Variants in MRPL12 observed in about 807,000 individuals in gnomAD.
MRPL12 encodes the protein large ribosomal subunit protein bL12m.
In MRPL12, 13 loss-of-function variants were observed where a neutral mutation model predicts 21.1. The observed-to-expected ratio is 0.62, with a 90% CI of 0.40 to 0.98. MRPL12 has a LOEUF of 0.98. MRPL12 is among the 50% of genes least tolerant of loss of function. The probability of loss-of-function intolerance (pLI) is 0.00; values close to 1 mark genes in which losing one functional copy is unlikely to be tolerated. For synonymous variants in MRPL12, 126 were observed against 115.3 expected (o/e 1.09, Z -0.60); for missense variants, 251 against 268.6 (o/e 0.93, Z 0.46).
chr17:81,704,799 C>G, intron 3 of MRPL12, 83 bp downstream of exon 3: 1 of 1,186,390 alleles, frequency 8.4e-7, no homozygotes, highest in African/African-American at 1.5e-5. Context: ...ATCTCAGGTT[C>G]TGCAGCTACC....
rs181881366 is a variant in MRPL12 at position 81,704,313 on chromosome 17, C to T, written c.144C>T (p.Leu48=). The stretch of plus-strand genomic sequence containing the variant: ...GCGGCCATCAGAGGTGTGAGGCCCT[C>T]GCTGGTGCACCCCTGGATAACGCCC... The part of the protein sequence containing the change: ...RSSGHQRCEA[L]AGAPLDNAPK... Residue 48 remains leucine, a synonymous_variant, in exon 2 of 5, where the codon CTC becomes CTT. Transcript: ENST00000333676. The T allele has an allele frequency of 3.7e-5, 59 of 1,613,532 alleles. No individual in the cohort carries two copies. Among genetic ancestry groups the T allele is most frequent in the Non-Finnish European group, 4.6e-5 (54 of 1,179,910 alleles).
intron 3 of MRPL12, among the ~76,000 whole-genome samples, chr17:81,705,639 A>G (rs971254996): frequency 3.3e-5 from 5 of 152,204 alleles, no homozygotes; most frequent in African/African-American, 1.2e-4. Context: ...AGCGAGGTAC[A>G]GGCTGGCGCA....
chr17:81,704,066 C>G (rs150001330), intron 1 of MRPL12, among the ~76,000 whole-genome samples, 178 bp from the exon 2 acceptor site: 2 of 152,120 alleles, frequency 1.3e-5, no homozygotes, highest in African/African-American at 4.8e-5. Flanking sequence ...CAATACGGAC[C>G]CCTTGAGGTC....
chr17:81,704,193 C>G, intron 1 of MRPL12, 51 bp from the exon 2 acceptor site: 3 of 1,548,280 alleles, frequency 1.9e-6, no homozygotes, highest in Non-Finnish European at 2.6e-6. Context: ...TTTCTGCAGC[C>G]CCTTCCATTC....
chr17:81,707,494 G>A lies in MRPL12; in HGVS notation c.*254G>A. ...GGTGAATGTGCCTCTGGTGGCTGCT[G>A]AGAAAAATACACTGTGCAGCTCAGT... is the stretch of plus-strand genomic sequence containing the variant. On this transcript the variant is annotated 3_prime_UTR_variant, in exon 5 of 5. Coordinates refer to ENST00000333676, the MANE Select transcript of MRPL12 (RefSeq NM_002949.4). The A allele has an allele frequency of 2.0e-6, 1 of 490,590 alleles. No homozygotes were observed. Among genetic ancestry groups the A allele is most frequent in the Non-Finnish European group, 3.7e-6 (1 of 272,832 alleles). 30.4% of individuals were successfully genotyped at this position (490,590 alleles called of 1,614,324 possible).
At chr17:81,706,840 GC>G (rs893800099) in intron 3 of MRPL12, 65 bp from the exon 4 acceptor site, 2 of 1,577,452 alleles carry the variant, frequency 1.3e-6, no homozygotes, top group African/African-American at 2.7e-5. Context: ...GGGTGGCCCA[GC>G]AGTGGAGGCG....
At chr17:81,704,541 G>A (rs1214027784) in intron 2 of MRPL12, 92 bp from the exon 3 acceptor site, 2 of 1,576,648 alleles carry the variant, frequency 1.3e-6, no homozygotes, top group Non-Finnish European at 1.7e-6. Flanking sequence ...TGTTTGTCCA[G>A]GTGCAAGGTC....
intron 3 of MRPL12, 39 bp from the exon 4 acceptor site, chr17:81,706,867 C>G (rs771047527): frequency 3.7e-6 from 6 of 1,607,984 alleles, no homozygotes; most frequent in Non-Finnish European, 4.2e-6. Flanking sequence ...TCCCCCCAGC[C>G]CTTTGTCACC....
chr17:81,703,678 T>G (rs1488083104), intron 1 of MRPL12, 103 bp downstream of exon 1: 7 of 1,091,664 alleles, frequency 6.4e-6, no homozygotes, highest in Non-Finnish European at 8.4e-6. Flanking sequence ...CCGGCCTCCC[T>G]GCAGCGGCCA....
rs2037324870 is a variant in MRPL12 at position 81,707,302 on chromosome 17, G to A, written c.*62G>A. ...GCCCCGGGCGAGGTCCCGCCCTCCC[G>A]TGGTCACTGGCTCCGCCCCCAGCAC... On this transcript the variant is annotated 3_prime_UTR_variant, in exon 5 of 5. Transcript: ENST00000333676. The A allele has an allele frequency of 2.0e-5, 29 of 1,451,122 alleles. No homozygotes were observed. Among genetic ancestry groups the A allele is most frequent in the Middle Eastern group, 2.5e-4 (1 of 3,972 alleles). The allele number at this position is 1,451,122 out of a possible 1,614,324, so 89.9% of individuals were successfully genotyped here.
Position 81,707,035 on chromosome 17 carries a change from G to C in MRPL12, c.475G>C (p.Val159Leu). The C allele has an allele frequency of 1.2e-6, 2 of 1,614,092 alleles. No homozygotes were observed. Among genetic ancestry groups the C allele is most frequent in the South Asian group, 1.1e-5 (1 of 91,084 alleles). The change falls in exon 4 of 5, where the codon GTC (valine) becomes CTC (leucine). Residue 159 changes from valine (V) to leucine (L), a missense_variant. Val to Leu is a conservative substitution (Grantham distance 32, BLOSUM62 1). Transcript: ENST00000333676. ...GAACTACATCCAAGGCATCAACCTC[G>C]TCCAGGTCTGTGCCGCGGTGGGGGT... The part of the protein sequence containing the change: ...IKNYIQGINL[V>L]QAKKLVESLP...
In MRPL12 at chr17:81,704,359, A is replaced by T; in HGVS notation, c.190A>T (p.Ile64Leu). 1 of 1,613,654 alleles carries T rather than the reference A, an allele frequency of 6.2e-7. No individual in the cohort carries two copies. Among genetic ancestry groups the T allele is most frequent in the Non-Finnish European group, 8.5e-7 (1 of 1,179,910 alleles). ...DNAPKEYPPK[I>L]QQLVQDIASL... is the part of the protein sequence containing the mutation. The stretch of plus-strand genomic sequence containing the variant: ...CGCCCCCAAGGAGTACCCCCCCAAG[A>T]TACAGCAGCTGGTCCAGGACATCGC... The change falls in exon 2 of 5, where the codon ATA becomes TTA. Residue 64 changes from isoleucine to leucine, a missense_variant. By Grantham distance (5) the Ile-to-Leu change is conservative (BLOSUM62 2). Transcript: ENST00000333676.
rs1415471593 is a variant in MRPL12 at position 81,703,453 on chromosome 17, C to T, written c.-49C>T. ...TGCCCGGCGGCCGAGGCGGCTAGAG[C>T]GTCGCCTCCTCCCGGGGAACCGCGT... is the stretch of plus-strand genomic sequence containing the variant. On this transcript the variant is annotated 5_prime_UTR_variant, in exon 1 of 5. Transcript: ENST00000333676. The T allele has an allele frequency of 1.4e-6, 2 of 1,448,182 alleles. No individual in the cohort carries two copies. The highest frequency in any genetic ancestry group is 1.8e-6 in the Non-Finnish European group (2 of 1,095,114). The allele number at this position is 1,448,182 out of a possible 1,614,324, so 89.7% of individuals were successfully genotyped here.
At chr17:81,705,755 A>G (rs2037307616) in intron 3 of MRPL12, among the ~76,000 whole-genome samples, 1 of 152,220 alleles carries the variant, frequency 6.6e-6, no homozygotes, top group Non-Finnish European at 1.5e-5. Flanking sequence ...GAACCTCTCC[A>G]CCGGAGCCCT....
In MRPL12 at chr17:81,706,932, G is replaced by T. The variant is rs552699026; in HGVS notation, c.372G>T (p.Ala124=). The change falls in exon 4 of 5, where the codon GCG becomes GCT. Residue 124 remains alanine, a synonymous_variant. Coordinates refer to ENST00000333676, the MANE Select transcript of MRPL12 (RefSeq NM_002949.4). ...CGGTGGAAGAAGATATCCCCATAGC[G>T]AAAGAACGGACACATTTCACCGTCC... ...QEAVEEDIPI[A]KERTHFTVRL... 1.2e-6 allele frequency: 2 copies of T among 1,613,874 alleles called. No individual in the cohort carries two copies. Among genetic ancestry groups the T allele is most frequent in the African/African-American group, 1.3e-5 (1 of 74,920 alleles).
Position 81,706,966 on chromosome 17 carries a change from G to A in MRPL12, c.406G>A (p.Glu136Lys), listed in dbSNP as rs139191949. The change falls in exon 4 of 5, where the codon GAG (glutamate) becomes AAG (lysine). Residue 136 changes from glutamate to lysine, a missense_variant. Transcript: ENST00000333676. ...GACACATTTCACCGTCCGCCTGACCGAGGCGAAGCCCGTGGACAAAGTGAA... is the reference window on the plus strand; with the variant it reads ...GACACATTTCACCGTCCGCCTGACCAAGGCGAAGCCCGTGGACAAAGTGAA... ...ERTHFTVRLT[E>K]AKPVDKVKLI... 55 of 1,613,996 alleles carry A rather than the reference G, an allele frequency of 3.4e-5. No homozygotes were observed. Among genetic ancestry groups the A allele is most frequent in the African/African-American group, 1.5e-4 (11 of 74,942 alleles).
chr17:81,703,447 C>A lies in MRPL12; in HGVS notation c.-55C>A. The A allele has an allele frequency of 6.9e-7, 1 of 1,444,034 alleles. No individual in the cohort carries two copies. 89.5% of individuals were successfully genotyped at this position (1,444,034 alleles called of 1,614,324 possible). ...CTCGAATGCCCGGCGGCCGAGGCGG[C>A]TAGAGCGTCGCCTCCTCCCGGGGAA... On this transcript the variant is annotated 5_prime_UTR_variant, in exon 1 of 5. Coordinates refer to ENST00000333676, the MANE Select transcript of MRPL12 (RefSeq NM_002949.4).
At chr17:81,705,021 G>C (rs1213633792) in intron 3 of MRPL12, among the ~76,000 whole-genome samples, 1 of 151,384 alleles carries the variant, frequency 6.6e-6, no homozygotes, top group African/African-American at 2.4e-5. Flanking sequence ...GATCACTTGA[G>C]GTCAGGAGTT....
intron 3 of MRPL12, among the ~76,000 whole-genome samples, chr17:81,705,120 G>T (rs867426422): frequency 6.6e-6 from 1 of 152,086 alleles, no homozygotes; most frequent in African/African-American, 2.4e-5. Context: ...GCACATGCCT[G>T]TAATCCCAGC....
Sources: gnomAD v4.1 joint callset for allele counts (sites outside exome capture counted in the v4.1 genomes callset) on GRCh38, gnomAD v4.1.1 for gene constraint, MANE v1.5 for transcripts, NCBI Gene and HGNC (gene_info 2026-07-23, HGNC 2026-07-21) for gene names.